STPG2: variants seen among roughly 807,000 people sequenced by gnomAD.
STPG2 encodes the protein sperm tail PG-rich repeat containing 2.
Under a neutral mutation model 54.2 loss-of-function variants are expected in STPG2, and 56 were observed. That is an observed-to-expected ratio of 1.03 (90% confidence interval 0.83 to 1.29). STPG2 has a LOEUF of 1.29. Ranked by LOEUF, STPG2 falls within the 50% of genes most tolerant of loss-of-function variation. The pLI, the probability that STPG2 is intolerant of heterozygous loss-of-function variation, is 0.00. For missense variants in STPG2, 596 were observed against 544.9 expected (o/e 1.09, Z -0.93); for synonymous variants, 200 against 181.8 (o/e 1.10, Z -0.81).
chr4:97,846,759 G>A (rs1012993763), intron 8 of STPG2, among the ~76,000 whole-genome samples: 1 of 152,166 alleles, frequency 6.6e-6, no homozygotes, highest in African/African-American at 2.4e-5. Flanking sequence ...TATGCAGTAG[G>A]TCTAGGTCTA....
At chr4:97,592,362 T>C (rs1733167441) in intron 10 of STPG2, among the ~76,000 whole-genome samples, 1 of 152,162 alleles carries the variant, frequency 6.6e-6, no homozygotes. Flanking sequence ...TTATACACAT[T>C]TTTTTATACC....
chr4:97,880,165 G>T (rs1489619872), intron 8 of STPG2, among the ~76,000 whole-genome samples: 1 of 152,090 alleles, frequency 6.6e-6, no homozygotes, highest in Non-Finnish European at 1.5e-5. Context: ...AGATGGAACT[G>T]GAAGATATTA....
chr4:98,004,772 C>T (rs1348027714), intron 5 of STPG2, among the ~76,000 whole-genome samples: 1 of 151,930 alleles, frequency 6.6e-6, no homozygotes, highest in South Asian at 2.1e-4. Context: ...TAACTGTTGG[C>T]CATTTGTATT....
intron 7 of STPG2, among the ~76,000 whole-genome samples, chr4:97,963,820 C>T (rs1445718868): frequency 1.3e-5 from 2 of 151,546 alleles, no homozygotes; most frequent in South Asian, 4.2e-4. Flanking sequence ...CAGATAGAAA[C>T]TCAAACTGAA....
At chr4:97,595,315 C>T (rs1450314209) in intron 10 of STPG2, among the ~76,000 whole-genome samples, 2 of 151,938 alleles carry the variant, frequency 1.3e-5, no homozygotes, top group African/African-American at 2.4e-5. Context: ...ATGGATGAAG[C>T]TGGAAACCAT....
At chr4:97,978,054 G>T (rs1373119706) in intron 6 of STPG2, among the ~76,000 whole-genome samples, 2 of 152,126 alleles carry the variant, frequency 1.3e-5, no homozygotes, top group Non-Finnish European at 2.9e-5. Flanking sequence ...ATTTCAAAGT[G>T]CCAATAGTTC....
intron 10 of STPG2, among the ~76,000 whole-genome samples, chr4:97,579,715 C>T (rs1041142878): frequency 1.8e-4 from 28 of 152,002 alleles, no homozygotes; most frequent in Admixed American, 7.2e-4. Flanking sequence ...CTAAGGTGAT[C>T]TACATTCATT....
chr4:97,841,366 C>T (rs990489754), intron 8 of STPG2, among the ~76,000 whole-genome samples: 1 of 151,654 alleles, frequency 6.6e-6, no homozygotes, highest in Non-Finnish European at 1.5e-5. Flanking sequence ...TAATAGATTA[C>T]AATTAAGTTA....
intron 5 of STPG2, 52 bp from the exon 6 acceptor site, chr4:97,981,370 A>G (rs1734671507): frequency 1.3e-6 from 2 of 1,578,090 alleles, no homozygotes; most frequent in Non-Finnish European, 1.7e-6. Flanking sequence ...ACATTTTGAT[A>G]CTTCATGAGT....
At chr4:97,779,595 T>G (rs918376732) in intron 9 of STPG2, among the ~76,000 whole-genome samples, 1 of 151,916 alleles carries the variant, frequency 6.6e-6, no homozygotes, top group Admixed American at 6.6e-5. Flanking sequence ...ACAAAGATAC[T>G]CCTCAACAAG....
intron 8 of STPG2, among the ~76,000 whole-genome samples, chr4:97,907,673 T>TAGAC (rs1404571003): frequency 7.2e-5 from 11 of 152,144 alleles, no homozygotes; most frequent in African/African-American, 2.7e-4. Flanking sequence ...AACAGAGATA[T>TAGAC]AGACCAATGG....
intron 4 of STPG2, among the ~76,000 whole-genome samples, chr4:97,506,425 C>T (rs965076306): frequency 1.4e-4 from 21 of 151,634 alleles, no homozygotes; most frequent in African/African-American, 4.8e-4. Context: ...AAAACGATGG[C>T]AGAATAAAGG....
intron 8 of STPG2, among the ~76,000 whole-genome samples, chr4:97,862,250 G>A (rs938167440): frequency 2.0e-5 from 3 of 151,456 alleles, no homozygotes; most frequent in Non-Finnish European, 2.9e-5. Flanking sequence ...GATGGAGGAA[G>A]ATCTACCAAG....
intron 9 of STPG2, among the ~76,000 whole-genome samples, chr4:97,735,620 C>CATAT (rs151020349): frequency 1.8e-4 from 27 of 147,908 alleles, no homozygotes; most frequent in Non-Finnish European, 3.6e-4. Flanking sequence ...CATTTATATT[C>CATAT]ATATATATAT....
At chr4:97,719,632 G>A (rs1724387611) in intron 9 of STPG2, among the ~76,000 whole-genome samples, 2 of 151,870 alleles carry the variant, frequency 1.3e-5, no homozygotes, top group African/African-American at 2.4e-5. Context: ...TTCTGGATGA[G>A]ACTATAATTT....
chr4:97,523,274 C>G (rs1053592041), intron 4 of STPG2, among the ~76,000 whole-genome samples: 3 of 151,684 alleles, frequency 2.0e-5, no homozygotes, highest in Non-Finnish European at 2.9e-5. Flanking sequence ...TCTTCTACCC[C>G]CAAGCCGGAT....
chr4:97,484,186 C>T (rs1222328493), intron 4 of STPG2, among the ~76,000 whole-genome samples: 1 of 151,426 alleles, frequency 6.6e-6, no homozygotes, highest in Non-Finnish European at 1.5e-5. Context: ...ACAAGTCAAA[C>T]CCAAACCCAG....
At chr4:98,051,776 T>C (rs769029350) in intron 5 of STPG2, among the ~76,000 whole-genome samples, 55 of 151,876 alleles carry the variant, frequency 3.6e-4, no homozygotes, top group African/African-American at 4.8e-5. Flanking sequence ...CTTGAGAGCA[T>C]CATAGAGGAA....
intron 10 of STPG2, among the ~76,000 whole-genome samples, chr4:97,644,191 A>G (rs1721843726): frequency 6.6e-6 from 1 of 151,902 alleles, no homozygotes; most frequent in African/African-American, 2.4e-5. Flanking sequence ...GCATGCTTAT[A>G]TATTATTTAA....
Sources: gnomAD v4.1 joint callset for allele counts (sites outside exome capture counted in the v4.1 genomes callset) on GRCh38, gnomAD v4.1.1 for gene constraint, MANE v1.5 for transcripts, NCBI Gene and HGNC (gene_info 2026-07-23, HGNC 2026-07-21) for gene names.